The following DOCK4 variants were observed in gnomAD, a reference collection of about 807,000 sequenced individuals.
DOCK4 encodes dedicator of cytokinesis 4.
Under a neutral mutation model 268.1 loss-of-function variants are expected in DOCK4, and 97 were observed. That is an observed-to-expected ratio of 0.36 (90% CI 0.31 to 0.43). The LOEUF (loss-of-function observed/expected upper bound fraction) is 0.43. DOCK4 is among the 20% of genes least tolerant of loss of function. The pLI, the probability that DOCK4 is intolerant of heterozygous loss-of-function variation, is 1.00. For synonymous variants in DOCK4, 954 were observed against 887.2 expected (o/e 1.08, Z -1.34); for missense variants, 2,145 against 2,455.7 (o/e 0.87, Z 2.67).
intron 26 of DOCK4, among the ~76,000 whole-genome samples, chr7:111,824,052 C>A (rs1802214089): frequency 6.6e-6 from 1 of 152,120 alleles, no homozygotes; most frequent in Admixed American, 6.6e-5. Context: ...TGGAAACATG[C>A]CCACTAGGTC....
At chr7:112,101,935 C>T in intron 1 of DOCK4, among the ~76,000 whole-genome samples, 1 of 151,824 alleles carries the variant, frequency 6.6e-6, no homozygotes, top group East Asian at 1.9e-4. Flanking sequence ...CTCCGCCTCG[C>T]GGGTTCACGC....
intron 1 of DOCK4, among the ~76,000 whole-genome samples, chr7:112,102,117 C>A (rs777922438): frequency 2.0e-5 from 3 of 152,192 alleles, no homozygotes; most frequent in Non-Finnish European, 4.4e-5. Context: ...TCTCCCCTCT[C>A]CGGCCGACCT....
intron 1 of DOCK4, among the ~76,000 whole-genome samples, chr7:112,085,316 G>C (rs921450466): frequency 7.2e-5 from 11 of 152,008 alleles, no homozygotes; most frequent in African/African-American, 2.7e-4. Context: ...ATCAAAAACT[G>C]ATTTGGCTGT....
rs546986013 is a variant in DOCK4, at chr7:111,954,098, TTTTAA to T, written c.702-8305_702-8301del. Among the ~76,000 whole-genome samples the T allele has an allele frequency of 6.1e-3, 935 of 152,344 alleles. 11 individuals are homozygous for T. The highest frequency in any genetic ancestry group is 0.022 in the African/African-American group (898 of 41,572). On this transcript the variant is annotated intron_variant, in intron 8 of 52. Transcript: ENST00000428084. ...TGTTAGTAAACTTCTGTTTTTCTCT[TTTTAA>T]TTTGTCTTTTGATAAAGAGGACCAT...
rs1406642548 is a variant in DOCK4, at chr7:111,809,793, CTG to C, written c.3007-394_3007-393del. Among the ~76,000 whole-genome samples, 4 of 152,122 alleles carry C rather than the reference CTG, an allele frequency of 2.6e-5. No homozygotes were observed. The South Asian group carries it at 6.2e-4, about 24-fold the overall frequency. On this transcript the variant is annotated intron_variant, in intron 28 of 52. Coordinates refer to ENST00000428084, the MANE Select transcript of DOCK4 (RefSeq NM_001363540.2). ...AGGTATAAGATGGATTTCTTTATTCCTGTGTGAGTTCATTTTTGGAACTCCTT... is the reference window on the plus strand; with the variant it reads ...AGGTATAAGATGGATTTCTTTATTCCTGTGAGTTCATTTTTGGAACTCCTT...
chr7:112,022,090 CA>C (rs1802368496), intron 1 of DOCK4, among the ~76,000 whole-genome samples: 2 of 152,326 alleles, frequency 1.3e-5, no homozygotes, highest in South Asian at 2.1e-4. Context: ...ACACCTAGAA[CA>C]GAAAGGTTTA....
At chr7:112,137,897 T>C (rs1814511498) in intron 1 of DOCK4, among the ~76,000 whole-genome samples, 1 of 152,220 alleles carries the variant, frequency 6.6e-6, no homozygotes, top group Non-Finnish European at 1.5e-5. Context: ...GCTTTCTGTG[T>C]GTGCATTACA....
At chr7:112,178,565 A>C (rs1307455512) in intron 1 of DOCK4, among the ~76,000 whole-genome samples, 1 of 152,202 alleles carries the variant, frequency 6.6e-6, no homozygotes, top group African/African-American at 2.4e-5. Context: ...AGCTGAACTG[A>C]AAATACATGG....
Position 111,767,126 on chromosome 7 carries a change from C to A in DOCK4, c.3829-8G>T. 1 of 1,604,434 alleles carries A rather than the reference C, an allele frequency of 6.2e-7. No homozygotes were observed. The highest frequency in any genetic ancestry group is 8.5e-7 in the Non-Finnish European group (1 of 1,173,824). On this transcript the variant is annotated splice_polypyrimidine_tract_variant and splice_region_variant and intron_variant, in intron 37 of 52. Transcript: ENST00000428084. ...AATGCCATTCTCCCAACACTGTGGA[C>A]AAATGAATGAGATCAATGGAACCAT...
intron 1 of DOCK4, among the ~76,000 whole-genome samples, chr7:112,128,397 A>T (rs943212523): frequency 7.2e-5 from 11 of 152,058 alleles, no homozygotes; most frequent in Non-Finnish European, 1.3e-4. Flanking sequence ...CTGCCAGGCC[A>T]CCACCCCGTC....
chr7:111,993,859 T>C (rs1457445373), intron 5 of DOCK4, among the ~76,000 whole-genome samples: 6 of 152,218 alleles, frequency 3.9e-5, no homozygotes, highest in Non-Finnish European at 5.9e-5. Flanking sequence ...TTAAAAATAT[T>C]CAGGAGGTTC....
Position 112,000,529 on chromosome 7 carries a change from AC to A in DOCK4, c.126del (p.Trp42CysfsTer7). 6.5e-7 allele frequency: 1 copy of A among 1,549,646 alleles called. No homozygotes were observed. Among genetic ancestry groups the A allele is most frequent in the South Asian group, 1.2e-5 (1 of 80,176 alleles). ...TVQILEKCDG[W>X]YRGFALKNPN... ...GGGTTTTTTAAGGCAAATCCTCTGTACCAGCCTGTGGAAAAATAATCATGGT... is the reference window on the plus strand; with the variant it reads ...GGGTTTTTTAAGGCAAATCCTCTGTACAGCCTGTGGAAAAATAATCATGGT... On this transcript the variant is annotated frameshift_variant, in exon 3 of 53. Coordinates refer to ENST00000428084, the MANE Select transcript of DOCK4 (RefSeq NM_001363540.2). LOFTEE classifies it high-confidence loss of function.
In DOCK4 at chr7:111,870,494, G is replaced by A. The variant is rs190189773; in HGVS notation, c.2028-839C>T. 2.1e-3 allele frequency among the ~76,000 whole-genome samples: 322 copies of A among 151,840 alleles called. 3 individuals are homozygous for A. Among genetic ancestry groups the A allele is most frequent in the African/African-American group, 7.4e-3 (307 of 41,420 alleles). Reference sequence around the variant, plus strand: ...GCACCACCACGCCCAGCTAATTTTTGTATTTTTAGTAGAGGCCCGGTTTCA... The same window carrying A: ...GCACCACCACGCCCAGCTAATTTTTATATTTTTAGTAGAGGCCCGGTTTCA... On this transcript the variant is annotated intron_variant, in intron 20 of 52. Coordinates refer to ENST00000428084, the MANE Select transcript of DOCK4 (RefSeq NM_001363540.2).
At chr7:111,757,114 C>T (rs1797074785) in intron 41 of DOCK4, among the ~76,000 whole-genome samples, 1 of 151,670 alleles carries the variant, frequency 6.6e-6, no homozygotes, top group Non-Finnish European at 1.5e-5. Context: ...AGCTGAGTGT[C>T]GCGGAGGCTG....
chr7:111,838,848 A>C (rs1473935354), intron 25 of DOCK4, among the ~76,000 whole-genome samples: 1 of 152,192 alleles, frequency 6.6e-6, no homozygotes, highest in Admixed American at 6.5e-5. Flanking sequence ...CATTTCAAAC[A>C]GGTGTCATTT....
At chr7:112,115,332 G>C (rs1812033167) in intron 1 of DOCK4, among the ~76,000 whole-genome samples, 1 of 152,158 alleles carries the variant, frequency 6.6e-6, no homozygotes, top group South Asian at 2.1e-4. Context: ...GTGACACTCA[G>C]TTCAGACGCA....
chr7:112,024,825 A>G (rs1020772581), intron 1 of DOCK4, among the ~76,000 whole-genome samples: 4 of 152,216 alleles, frequency 2.6e-5, no homozygotes, highest in Admixed American at 2.6e-4. Flanking sequence ...GGCTCTAATG[A>G]ACAATGCTAC....
chr7:112,134,956 A>T (rs563749646), intron 1 of DOCK4, among the ~76,000 whole-genome samples: 1 of 152,224 alleles, frequency 6.6e-6, no homozygotes, highest in Admixed American at 6.5e-5. Flanking sequence ...TTCACCTATG[A>T]TTGCTATAAA....
chr7:112,018,173 A>C lies in DOCK4; in HGVS notation c.38-14042T>G, dbSNP rs1203898058. ...AAAAAAAAAAAAAAAAAAAAAAAAAAAAAAAAACACAGGCAACCAGTATTC... is the reference window on the plus strand; with the variant it reads ...AAAAAAAAAAAAAAAAAAAAAAAAACAAAAAAACACAGGCAACCAGTATTC... On this transcript the variant is annotated intron_variant, in intron 1 of 52. Transcript: ENST00000428084. Among the ~76,000 whole-genome samples the C allele has an allele frequency of 3.5e-4, 49 of 141,462 alleles. 5 individuals carry two copies. Among genetic ancestry groups the C allele is most frequent in the Non-Finnish European group, 5.7e-4 (37 of 64,358 alleles). The allele number at this position is 141,462 out of a possible 152,430, so 92.8% of individuals were successfully genotyped here.
Sources: gnomAD v4.1 joint callset for allele counts (sites outside exome capture counted in the v4.1 genomes callset) on GRCh38, gnomAD v4.1.1 for gene constraint, MANE v1.5 for transcripts, NCBI Gene and HGNC (gene_info 2026-07-23, HGNC 2026-07-21) for gene names.